Variants in UNC5D observed in about 807,000 individuals in gnomAD.
UNC5D encodes the protein unc-5 netrin receptor D, also known as netrin receptor UNC5D.
Under a neutral mutation model 105.4 loss-of-function variants are expected in UNC5D, and 39 were observed. That is an observed-to-expected ratio of 0.37 (90% CI 0.29 to 0.48). The LOEUF (loss-of-function observed/expected upper bound fraction) is 0.48. UNC5D is among the 20% of genes least tolerant of loss of function. The pLI is 0.98. For synonymous variants in UNC5D, 452 were observed against 450.4 expected, an observed-to-expected ratio of 1.00 and a Z score of -0.04; for missense variants, 991 against 1,202.4, an observed-to-expected ratio of 0.82 and a Z score of 2.60.
chr8:35,610,624 G>A (rs751823327), intron 4 of UNC5D, among the ~76,000 whole-genome samples: 31 of 152,014 alleles, frequency 2.0e-4, no homozygotes, highest in Non-Finnish European at 4.1e-4. Flanking sequence ...CATAGAAGAG[G>A]CCATGTAGAA....
intron 7 of UNC5D, among the ~76,000 whole-genome samples, chr8:35,698,627 G>C (rs1384234812): frequency 6.6e-6 from 1 of 152,034 alleles, no homozygotes. Context: ...TTCATTGTTT[G>C]TATATACTAC....
intron 8 of UNC5D, among the ~76,000 whole-genome samples, chr8:35,713,249 A>AACTT (rs1828064891): frequency 6.6e-6 from 1 of 152,198 alleles, no homozygotes; most frequent in Non-Finnish European, 1.5e-5. Context: ...GCACCAGAAT[A>AACTT]ACTTGGGTGC....
Position 35,270,629 on chromosome 8 carries a change from G to A in UNC5D, c.103+34742G>A, listed in dbSNP as rs559598382. On this transcript the variant is annotated intron_variant, in intron 1 of 16. Transcript: ENST00000404895. Reference sequence around the variant, plus strand: ...TATCGTTATAGTCATGTTTGGTGCAGTTTAGTATATTCTTCAAATTAAAAC... The same window carrying A: ...TATCGTTATAGTCATGTTTGGTGCAATTTAGTATATTCTTCAAATTAAAAC... 7.2e-5 allele frequency among the ~76,000 whole-genome samples: 11 copies of A among 152,276 alleles called. No individual in the cohort carries two copies. The South Asian group carries it at 2.3e-3, about 32-fold the overall frequency.
chr8:35,552,106 G>A (rs1340334207), intron 2 of UNC5D, among the ~76,000 whole-genome samples: 1 of 152,102 alleles, frequency 6.6e-6, no homozygotes, highest in Non-Finnish European at 1.5e-5. Context: ...GAATTAGTAG[G>A]AGGAAGAGAA....
At chr8:35,518,882 A>G (rs1282520070) in intron 1 of UNC5D, among the ~76,000 whole-genome samples, 1 of 152,168 alleles carries the variant, frequency 6.6e-6, no homozygotes, top group African/African-American at 2.4e-5. Flanking sequence ...TAGAAAGAAT[A>G]CTAGAGTAGG....
intron 4 of UNC5D, among the ~76,000 whole-genome samples, chr8:35,634,592 G>A (rs911364976): frequency 1.3e-5 from 2 of 152,138 alleles, no homozygotes; most frequent in Non-Finnish European, 2.9e-5. Flanking sequence ...TCAGGGTACA[G>A]AGAGACAAGT....
intron 1 of UNC5D, among the ~76,000 whole-genome samples, chr8:35,309,141 C>T (rs1808673735): frequency 6.6e-6 from 1 of 152,168 alleles, no homozygotes; most frequent in Admixed American, 6.6e-5. Context: ...GACCTTCAAA[C>T]ACTTGTGAAA....
intron 3 of UNC5D, among the ~76,000 whole-genome samples, chr8:35,570,969 A>AAGAGAG (rs755909310): frequency 2.0e-5 from 3 of 151,488 alleles, no homozygotes; most frequent in Non-Finnish European, 4.4e-5. Context: ...GAAAGAAAGA[A>AAGAGAG]AGAGAGAGAG....
intron 4 of UNC5D, among the ~76,000 whole-genome samples, chr8:35,671,634 G>A (rs1451140540): frequency 6.6e-6 from 1 of 152,122 alleles, no homozygotes; most frequent in East Asian, 1.9e-4. Context: ...ATCCATACAA[G>A]ACTTTAGAGT....
intron 13 of UNC5D, among the ~76,000 whole-genome samples, chr8:35,757,441 C>A (rs910793991): frequency 6.6e-6 from 1 of 152,130 alleles, no homozygotes; most frequent in East Asian, 2.0e-4. Context: ...TTCAAATGGC[C>A]AGCTCCTCCA....
At chr8:35,299,581 C>T (rs1272568833) in intron 1 of UNC5D, among the ~76,000 whole-genome samples, 1 of 152,124 alleles carries the variant, frequency 6.6e-6, no homozygotes, top group African/African-American at 2.4e-5. Flanking sequence ...AGTGGAGATG[C>T]AAACTGACAC....
intron 4 of UNC5D, among the ~76,000 whole-genome samples, chr8:35,658,523 G>A (rs973768322): frequency 2.0e-5 from 3 of 151,908 alleles, no homozygotes; most frequent in Admixed American, 2.0e-4. Flanking sequence ...CAGATGCTGT[G>A]TAATGATGTT....
intron 1 of UNC5D, among the ~76,000 whole-genome samples, chr8:35,511,364 T>G (rs1812685058): frequency 6.6e-6 from 1 of 151,224 alleles, no homozygotes; most frequent in Admixed American, 6.6e-5. Flanking sequence ...GCTGGTGCAG[T>G]GGTGTGTTTC....
In UNC5D at chr8:35,752,001, G is replaced by A. The variant is rs142712272; in HGVS notation, c.2163+1192G>A. ...ATGTGCAGAGGGCAGTGAGAAAATT[G>A]CTTGAATCAACTGAAGGTTGTAGTT... On this transcript the variant is annotated intron_variant, in intron 13 of 16. Coordinates refer to ENST00000404895, the MANE Select transcript of UNC5D (RefSeq NM_080872.4). 9.1e-4 allele frequency among the ~76,000 whole-genome samples: 138 copies of A among 152,250 alleles called. 1 individual carries two copies. The highest frequency in any genetic ancestry group is 3.2e-3 in the African/African-American group (133 of 41,534).
chr8:35,285,868 C>A (rs1367765156), intron 1 of UNC5D, among the ~76,000 whole-genome samples: 1 of 152,106 alleles, frequency 6.6e-6, no homozygotes, highest in South Asian at 2.1e-4. Context: ...ACTTTGTAGT[C>A]GAGTGAGGTG....
At chr8:35,577,853 G>T (rs529614261) in intron 3 of UNC5D, among the ~76,000 whole-genome samples, 1 of 152,106 alleles carries the variant, frequency 6.6e-6, no homozygotes, top group Non-Finnish European at 1.5e-5. Flanking sequence ...CCGAAAATGG[G>T]TCAAATCAAC....
intron 13 of UNC5D, among the ~76,000 whole-genome samples, chr8:35,755,619 C>A (rs1830483955): frequency 6.6e-6 from 1 of 152,108 alleles, no homozygotes; most frequent in Non-Finnish European, 1.5e-5. Flanking sequence ...CAGTGAGGCA[C>A]AAAGCACAAG....
At chr8:35,450,809 G>A (rs571737714) in intron 1 of UNC5D, among the ~76,000 whole-genome samples, 1 of 152,220 alleles carries the variant, frequency 6.6e-6, no homozygotes, top group African/African-American at 2.4e-5. Context: ...TTGCAGTGCA[G>A]TATTCAAGAA....
Position 35,532,413 on chromosome 8 carries a change from T to G in UNC5D, c.104-16879T>G, listed in dbSNP as rs1393857608. On this transcript the variant is annotated intron_variant, in intron 1 of 16. Coordinates refer to ENST00000404895, the MANE Select transcript of UNC5D (RefSeq NM_080872.4). Reference sequence around the variant, plus strand: ...GGCTTGTAGGGTTTCTGCCGAGAGATCCGCTGTTAGTCTGATGGGCTTCCC... The same window carrying G: ...GGCTTGTAGGGTTTCTGCCGAGAGAGCCGCTGTTAGTCTGATGGGCTTCCC... 1.5e-4 allele frequency among the ~76,000 whole-genome samples: 20 copies of G among 129,798 alleles called. No homozygotes were observed. The Admixed American group carries it at 1.6e-3, about 10-fold the overall frequency. The allele number at this position is 129,798 out of a possible 152,430, so 85.2% of individuals were successfully genotyped here.
Sources: gnomAD v4.1 joint callset for allele counts (sites outside exome capture counted in the v4.1 genomes callset) on GRCh38, gnomAD v4.1.1 for gene constraint, MANE v1.5 for transcripts, NCBI Gene and HGNC (gene_info 2026-07-23, HGNC 2026-07-21) for gene names.